ROS1: variants seen among roughly 807,000 people sequenced by gnomAD.
ROS1 encodes the protein ROS proto-oncogene 1, receptor tyrosine kinase.
A neutral mutation model predicts 273.5 loss-of-function variants in ROS1; 263 were observed. The ratio of observed to expected loss-of-function variants is 0.96; its 90% CI spans 0.87 to 1.06. The LOEUF (loss-of-function observed/expected upper bound fraction) is 1.06. Among genes scored for constraint, ROS1 ranks in the 50% least tolerant of loss-of-function variants. ROS1 has a pLI of 0.00. For synonymous variants in ROS1, 1,008 were observed against 954.1 expected (o/e 1.06, Z -1.04); for missense variants, 2,833 against 2,751.1 (o/e 1.03, Z -0.67).
chr6:117,297,881 A>T (rs1774374827), intron 43 of ROS1, among the ~76,000 whole-genome samples: 1 of 152,178 alleles, frequency 6.6e-6, no homozygotes, highest in African/African-American at 2.4e-5. Flanking sequence ...TATCTATCCA[A>T]AGGAAAAGAA....
intron 12 of ROS1, among the ~76,000 whole-genome samples, chr6:117,391,816 G>A (rs183289000): frequency 8.5e-5 from 13 of 152,192 alleles, no homozygotes; most frequent in South Asian, 6.2e-4. Flanking sequence ...GAATCAACCC[G>A]TGTTTCCCTT....
Position 117,321,286 on chromosome 6 carries a change from C to A in ROS1, c.5732G>T (p.Gly1911Val), listed in dbSNP as rs775152205. Reference sequence around the variant, plus strand: ...TATTGCATAGCAGGCATTAGCCAGGCCTACTCCGGCTGCCAGACCTCGCAG... The same window carrying A: ...TATTGCATAGCAGGCATTAGCCAGGACTACTCCGGCTGCCAGACCTCGCAG... ...AELRGLAAGV[G>V]LANACYAIHT... The change falls in exon 36 of 44, where the codon GGC (glycine) becomes GTC (valine). Residue 1911 changes from glycine to valine, a missense_variant. Coordinates refer to ENST00000368507, the MANE Select transcript of ROS1 (RefSeq NM_001378902.1). 6.2e-7 allele frequency: 1 copy of A among 1,613,808 alleles called. No homozygotes were observed. Among genetic ancestry groups the A allele is most frequent in the Non-Finnish European group, 8.5e-7 (1 of 1,179,858 alleles).
chr6:117,298,727 A>T (rs1774446399), intron 43 of ROS1, among the ~76,000 whole-genome samples: 1 of 152,240 alleles, frequency 6.6e-6, no homozygotes, highest in African/African-American at 2.4e-5. Flanking sequence ...AAACAAAATT[A>T]AAGAAACTGA....
chr6:117,380,054 G>T (rs987110604), intron 17 of ROS1, among the ~76,000 whole-genome samples: 2 of 152,096 alleles, frequency 1.3e-5, no homozygotes, highest in Admixed American at 1.3e-4. Flanking sequence ...ACTATCCAAA[G>T]ATCCTGTTTT....
chr6:117,419,534 C>T (rs1006184970), intron 1 of ROS1, among the ~76,000 whole-genome samples: 9 of 152,038 alleles, frequency 5.9e-5, no homozygotes, highest in African/African-American at 1.9e-4. Context: ...AGATAATAAA[C>T]ATTTAGACAG....
At chr6:117,344,006 A>G in intron 28 of ROS1, 54 bp downstream of exon 28, 16 of 1,463,424 alleles carry the variant, frequency 1.1e-5, no homozygotes, top group East Asian at 2.3e-5. Flanking sequence ...TCATAATTTT[A>G]TATCAAAAAA....
At chr6:117,385,450 G>C (rs1772488729) in intron 16 of ROS1, among the ~76,000 whole-genome samples, 1 of 152,032 alleles carries the variant, frequency 6.6e-6, no homozygotes, top group African/African-American at 2.4e-5. Flanking sequence ...AGCTACTCGG[G>C]AGGCAGAGGC....
At chr6:117,355,248 G>A (rs77029268) in intron 26 of ROS1, among the ~76,000 whole-genome samples, 1 of 152,102 alleles carries the variant, frequency 6.6e-6, no homozygotes, top group African/African-American at 2.4e-5. Flanking sequence ...AGGTTTAACA[G>A]AAACAAGTAA....
intron 26 of ROS1, among the ~76,000 whole-genome samples, chr6:117,355,980 T>C (rs1290987836): frequency 6.6e-6 from 1 of 152,184 alleles, no homozygotes; most frequent in Non-Finnish European, 1.5e-5. Flanking sequence ...CAATGAAAAG[T>C]AATTTTAAGA....
chr6:117,350,062 T>A (rs1007763142), intron 27 of ROS1, among the ~76,000 whole-genome samples: 1 of 152,056 alleles, frequency 6.6e-6, no homozygotes, highest in East Asian at 1.9e-4. Context: ...TACTTTACTT[T>A]CACTTATTTA....
chr6:117,423,308 A>C (rs190644583), intron 1 of ROS1, among the ~76,000 whole-genome samples: 24 of 152,324 alleles, frequency 1.6e-4, no homozygotes, highest in African/African-American at 5.5e-4. Flanking sequence ...AACTTATGGA[A>C]ACATTAAAAA....
rs777678761 is a variant in ROS1, at chr6:117,319,966, G to T, written c.5824C>A (p.Arg1942Ser). Reference protein sequence around the residue: ...PAFPREKLTLRLLLGSGAFGE... With the variant: ...PAFPREKLTLSLLLGSGAFGE... ...AAGGCTCCACTTCCCAGCAAGAGAC[G>T]CAGAGTCAGTTTTTCCCGAGGGAAG... Residue 1942 changes from arginine to serine, a missense_variant, in exon 37 of 44, where the codon CGT becomes AGT. Transcript: ENST00000368507. The T allele has an allele frequency of 6.2e-7, 1 of 1,613,346 alleles. No homozygotes were observed. The highest frequency in any genetic ancestry group is 8.5e-7 in the Non-Finnish European group (1 of 1,179,532).
intron 18 of ROS1, among the ~76,000 whole-genome samples, chr6:117,366,686 T>C (rs1359215817): frequency 6.6e-6 from 1 of 152,152 alleles, no homozygotes; most frequent in Non-Finnish European, 1.5e-5. Context: ...GCTAATTTTT[T>C]GTATTTTTAG....
chr6:117,342,029 G>T (rs1165302906), intron 29 of ROS1, among the ~76,000 whole-genome samples: 4 of 151,986 alleles, frequency 2.6e-5, no homozygotes. Context: ...TACAGCTCAG[G>T]CCTCAGTAAA....
In ROS1 at chr6:117,326,318, G is replaced by A. The variant is rs1776641532; in HGVS notation, c.5445C>T (p.Asn1815=). ...CSSVCTWKSK[N]LKGIFQFRVV... is the part of the protein sequence containing the mutation. ...CTCTGAACTGAAATATTCCTTTCAG[G>A]TTTTTGGACTTCCATGTGCAAACAC... The change falls in exon 34 of 44, where the codon AAC becomes AAT. Residue 1815 remains asparagine (N), a synonymous_variant. Coordinates refer to ENST00000368507, the MANE Select transcript of ROS1 (RefSeq NM_001378902.1). 1 of 1,601,996 alleles carries A rather than the reference G, an allele frequency of 6.2e-7. No homozygotes were observed. Among genetic ancestry groups the A allele is most frequent in the Non-Finnish European group, 8.5e-7 (1 of 1,175,394 alleles).
chr6:117,360,164 C>T (rs542262835), intron 23 of ROS1, among the ~76,000 whole-genome samples, 153 bp from the exon 24 acceptor site: 1 of 151,870 alleles, frequency 6.6e-6, no homozygotes, highest in South Asian at 2.1e-4. Flanking sequence ...AGGCTCTCTA[C>T]CCCTAGGTTT....
intron 26 of ROS1, among the ~76,000 whole-genome samples, chr6:117,354,607 T>A (rs1779145115): frequency 6.6e-6 from 1 of 152,202 alleles, no homozygotes; most frequent in South Asian, 2.1e-4. Flanking sequence ...GCATGACTAT[T>A]TTTAAAGAAA....
intron 42 of ROS1, 27 bp from the exon 43 acceptor site, chr6:117,301,164 G>A (rs2128537442): frequency 1.3e-6 from 2 of 1,550,582 alleles, no homozygotes; most frequent in East Asian, 2.4e-5. Flanking sequence ...AGATGGGAAA[G>A]TAAATAGCAA....
rs202122252 is a variant in ROS1, at chr6:117,395,892, TCAGAAACA to T, written c.883+288_883+295del. On this transcript the variant is annotated intron_variant, in intron 9 of 43. Transcript: ENST00000368507. ...TATCCCTTAAGTGTGTAAATGTGAG[TCAGAAACA>T]CTAGTGATTTCAACTGAAACCAAAG... Among the ~76,000 whole-genome samples, 495 of 152,202 alleles carry T rather than the reference TCAGAAACA, an allele frequency of 3.3e-3. 6 individuals are homozygous for T. The highest frequency in any genetic ancestry group is 0.012 in the African/African-American group (481 of 41,530).
Sources: gnomAD v4.1 joint callset for allele counts (sites outside exome capture counted in the v4.1 genomes callset) on GRCh38, gnomAD v4.1.1 for gene constraint, MANE v1.5 for transcripts, NCBI Gene and HGNC (gene_info 2026-07-23, HGNC 2026-07-21) for gene names.